Variants in ARHGAP15 observed in about 807,000 individuals in gnomAD.
ARHGAP15 encodes rho GTPase-activating protein 15.
A neutral mutation model predicts 63.7 loss-of-function variants in ARHGAP15; 51 were observed. That is an observed-to-expected ratio of 0.80 (90% CI 0.64 to 1.01). The LOEUF (loss-of-function observed/expected upper bound fraction) is 1.01. Among genes scored for constraint, ARHGAP15 ranks in the 50% least tolerant of loss-of-function variants. The probability of loss-of-function intolerance (pLI) is 0.00; values close to 1 mark genes in which losing one functional copy is unlikely to be tolerated. For missense variants in ARHGAP15, 560 were observed against 564.6 expected (o/e 0.99, Z 0.08); for synonymous variants, 191 against 193.8 (o/e 0.99, Z 0.12).
chr2:143,330,133 C>CAAAAAAAAAAAAAAAAAAAAAAAAAAA lies in ARHGAP15; in HGVS notation c.474+79538_474+79539insAAAAAAAAAAAAAAAAAAAAAAAAAAA, dbSNP rs1558898102. ...AAAAAAAAAAAAAAAAAAAAAAAAC[C>CAAAAAAAAAAAAAAAAAAAAAAAAAAA]AAAAACAAAAAACTAAACTAATGAT... On this transcript the variant is annotated intron_variant, in intron 6 of 13. Coordinates refer to ENST00000295095, the MANE Select transcript of ARHGAP15 (RefSeq NM_018460.4). 1.2e-3 allele frequency among the ~76,000 whole-genome samples: 45 copies of CAAAAAAAAAAAAAAAAAAAAAAAAAAA among 37,362 alleles called. 4 individuals are homozygous for CAAAAAAAAAAAAAAAAAAAAAAAAAAA. Among genetic ancestry groups the CAAAAAAAAAAAAAAAAAAAAAAAAAAA allele is most frequent in the East Asian group, 1.7e-3 (2 of 1,164 alleles). The allele number at this position is 37,362 out of a possible 152,430, so 24.5% of individuals were successfully genotyped here.
intron 2 of ARHGAP15, among the ~76,000 whole-genome samples, chr2:143,192,888 G>T (rs532110461): frequency 6.6e-6 from 1 of 152,286 alleles, no homozygotes; most frequent in South Asian, 2.1e-4. Context: ...GCTTCCTGAT[G>T]CCACTGCTAT....
At chr2:143,482,466 G>T (rs186944509) in intron 8 of ARHGAP15, among the ~76,000 whole-genome samples, 15 of 152,288 alleles carry the variant, frequency 9.8e-5, no homozygotes, top group Admixed American at 7.8e-4. Flanking sequence ...AAGTATGTGT[G>T]GGGTCACTTG....
chr2:143,632,620 A>T (rs1032579578), intron 12 of ARHGAP15, among the ~76,000 whole-genome samples: 3 of 152,178 alleles, frequency 2.0e-5, no homozygotes, highest in African/African-American at 7.2e-5. Flanking sequence ...TCCTGTGCCT[A>T]AACGGAACTC....
intron 6 of ARHGAP15, among the ~76,000 whole-genome samples, chr2:143,413,966 T>TGTGTGCGCGCGCGCGCGCGCGCGC: frequency 4.1e-4 from 48 of 117,906 alleles, no homozygotes; most frequent in Middle Eastern, 4.0e-3. Flanking sequence ...TGTGTGTGTG[T>TGTGTGCGCGCGCGCGCGCGCGCGC]GCGCGCTCTC....
chr2:143,438,874 A>G (rs1689733679), intron 8 of ARHGAP15, among the ~76,000 whole-genome samples: 1 of 152,200 alleles, frequency 6.6e-6, no homozygotes, highest in African/African-American at 2.4e-5. Flanking sequence ...CTGGAATCTT[A>G]GATATAATTG....
chr2:143,674,248 AGCTCATCAAAAGGGAGATTT>A (rs1457606582), intron 12 of ARHGAP15, among the ~76,000 whole-genome samples: 1 of 152,188 alleles, frequency 6.6e-6, no homozygotes, highest in Non-Finnish European at 1.5e-5. Flanking sequence ...ATGACTCATA[AGCTCATCAAAAGGGAGATTT>A]GTCAACAAAT....
chr2:143,300,390 A>G (rs551764262), intron 6 of ARHGAP15, among the ~76,000 whole-genome samples: 2 of 152,066 alleles, frequency 1.3e-5, no homozygotes, highest in Non-Finnish European at 2.9e-5. Context: ...ATACTTTTAC[A>G]TATGGTTTCA....
intron 6 of ARHGAP15, among the ~76,000 whole-genome samples, chr2:143,294,117 C>T (rs544421158): frequency 6.6e-6 from 1 of 152,086 alleles, no homozygotes; most frequent in South Asian, 2.1e-4. Context: ...CAATAAGCAC[C>T]TTAAAGATTC....
At chr2:143,730,812 TTGGGTGGTGTG>T (rs1456326892) in intron 13 of ARHGAP15, among the ~76,000 whole-genome samples, 1 of 151,200 alleles carries the variant, frequency 6.6e-6, no homozygotes, top group Admixed American at 6.6e-5. Flanking sequence ...AGGTTTTTGT[TTGGGTGGTGTG>T]TGGGAAGGGG....
At position 143,613,468 on chromosome 2, in the gene ARHGAP15, T is replaced by A. The variant is rs549402713; in HGVS notation, c.1004-10665T>A. Among the ~76,000 whole-genome samples, 8 of 152,326 alleles carry A rather than the reference T, an allele frequency of 5.3e-5. 1 individual carries two copies. The South Asian group carries it at 1.7e-3, about 32-fold the overall frequency. Reference sequence around the variant, plus strand: ...GAGACCAACATAATCCAATTAACTGTAATTCCCTTTTGTAGCATCCGTAAA... The same window carrying A: ...GAGACCAACATAATCCAATTAACTGAAATTCCCTTTTGTAGCATCCGTAAA... On this transcript the variant is annotated intron_variant, in intron 11 of 13. Transcript: ENST00000295095.
At chr2:143,494,345 C>T (rs1692720961) in intron 9 of ARHGAP15, among the ~76,000 whole-genome samples, 1 of 152,002 alleles carries the variant, frequency 6.6e-6, no homozygotes, top group South Asian at 2.1e-4. Flanking sequence ...AGATTTGTTT[C>T]CCATTCTTCT....
intron 6 of ARHGAP15, among the ~76,000 whole-genome samples, chr2:143,262,237 C>T (rs1408442127): frequency 1.3e-5 from 2 of 152,136 alleles, no homozygotes; most frequent in Non-Finnish European, 2.9e-5. Context: ...CAATTTACCG[C>T]TTGCAATATT....
intron 8 of ARHGAP15, among the ~76,000 whole-genome samples, chr2:143,459,707 A>T (rs1004523020): frequency 6.6e-6 from 1 of 152,206 alleles, no homozygotes; most frequent in African/African-American, 2.4e-5. Flanking sequence ...AAGAAAACTA[A>T]AAGTCTGAAT....
intron 6 of ARHGAP15, among the ~76,000 whole-genome samples, chr2:143,303,471 A>T (rs1402229999): frequency 1.3e-5 from 2 of 152,098 alleles, no homozygotes; most frequent in Non-Finnish European, 2.9e-5. Flanking sequence ...TTAATTCAAG[A>T]TGGATTAAAG....
At chr2:143,312,737 C>G (rs890842535) in intron 6 of ARHGAP15, among the ~76,000 whole-genome samples, 9 of 152,268 alleles carry the variant, frequency 5.9e-5, no homozygotes, top group African/African-American at 2.2e-4. Flanking sequence ...TGACAGGCTA[C>G]AGACACCTGT....
chr2:143,413,966 T>TGTGTGTGTGTGTGTGTGTGCGCGCGCGC, intron 6 of ARHGAP15, among the ~76,000 whole-genome samples: 3 of 117,910 alleles, frequency 2.5e-5, no homozygotes, highest in Non-Finnish European at 5.1e-5. Flanking sequence ...TGTGTGTGTG[T>TGTGTGTGTGTGTGTGTGTGCGCGCGCGC]GCGCGCTCTC....
intron 11 of ARHGAP15, among the ~76,000 whole-genome samples, chr2:143,561,204 A>G (rs1419973870): frequency 2.0e-5 from 3 of 152,194 alleles, no homozygotes; most frequent in African/African-American, 7.2e-5. Flanking sequence ...TGAGCTGCCC[A>G]TCTATGCCTT....
intron 6 of ARHGAP15, among the ~76,000 whole-genome samples, chr2:143,319,970 A>G (rs1387115549): frequency 6.6e-6 from 1 of 152,012 alleles, no homozygotes; most frequent in Non-Finnish European, 1.5e-5. Flanking sequence ...CTGTTTATTA[A>G]TCATAAAAAG....
At chr2:143,327,387 A>G (rs1366231073) in intron 6 of ARHGAP15, among the ~76,000 whole-genome samples, 4 of 152,228 alleles carry the variant, frequency 2.6e-5, no homozygotes, top group Admixed American at 1.3e-4. Flanking sequence ...ACAGAATTAG[A>G]AAAAACTACT....
Sources: allele counts gnomAD v4.1 joint callset (sites outside exome capture counted in the v4.1 genomes callset), GRCh38; gene constraint gnomAD v4.1.1; transcripts MANE v1.5; gene names NCBI Gene and HGNC (gene_info 2026-07-23, HGNC 2026-07-21).